Variants in GRM7 observed in about 807,000 individuals in gnomAD.
GRM7 encodes glutamate metabotropic receptor 7, also known as metabotropic glutamate receptor 7.
In GRM7, 35 loss-of-function variants were observed where a neutral mutation model predicts 84.5. The observed-to-expected ratio is 0.41, with a 90% CI of 0.32 to 0.55. GRM7 has a LOEUF of 0.55. GRM7 is among the 20% of genes least tolerant of loss of function. GRM7 has a pLI of 0.19. For synonymous variants in GRM7, 487 were observed against 455.1 expected (o/e 1.07, Z -0.89); for missense variants, 1,003 against 1,194.6 (o/e 0.84, Z 2.36).
At chr3:7,087,563 C>T (rs1157039303) in intron 1 of GRM7, among the ~76,000 whole-genome samples, 1 of 152,052 alleles carries the variant, frequency 6.6e-6, no homozygotes, top group Non-Finnish European at 1.5e-5. Context: ...TTTTAAATAT[C>T]TTTATTCCCT....
intron 4 of GRM7, among the ~76,000 whole-genome samples, chr3:7,398,652 TAC>T (rs1225645228): frequency 6.6e-6 from 1 of 152,108 alleles, no homozygotes; most frequent in Non-Finnish European, 1.5e-5. Context: ...TATGCATATA[TAC>T]ACACACACTT....
At position 6,862,803 on chromosome 3, in the gene GRM7, G is replaced by T. The variant is rs1331436003; in HGVS notation, c.519+896G>T. ...CGGCTTGGAGGACGATTCCCGGAGC[G>T]AGGCATGAAGGCGCCCGTTGGGAGG... On this transcript the variant is annotated intron_variant, in intron 1 of 9. Transcript: ENST00000357716. This position sits in a 1 kb window ranked among gnomAD's most constrained non-coding sequence, Gnocchi z 5.2. 9.8e-6 allele frequency: 3 copies of T among 306,192 alleles called. No homozygotes were observed. Among genetic ancestry groups the T allele is most frequent in the African/African-American group, 2.3e-5 (1 of 43,688 alleles). The allele number at this position is 306,192 out of a possible 1,614,324, so 19.0% of individuals were successfully genotyped here.
At chr3:6,871,766 T>C (rs1695129016) in intron 1 of GRM7, among the ~76,000 whole-genome samples, 3 of 152,114 alleles carry the variant, frequency 2.0e-5, no homozygotes, top group Admixed American at 2.0e-4. Flanking sequence ...TTATAACACA[T>C]TTTATATCAA....
At chr3:7,229,751 A>ATTTTTTT (rs1559514670) in intron 2 of GRM7, among the ~76,000 whole-genome samples, 1 of 28,636 alleles carries the variant, frequency 3.5e-5, no homozygotes, top group African/African-American at 1.3e-4. Context: ...ATATATATAT[A>ATTTTTTT]TATATATATT....
chr3:7,717,202 A>G (rs1412694327), intron 9 of GRM7, among the ~76,000 whole-genome samples: 2 of 151,996 alleles, frequency 1.3e-5, no homozygotes, highest in African/African-American at 4.8e-5. Context: ...TGAATTATAG[A>G]TGGGTCAATT....
chr3:7,120,049 G>A (rs1693166807), intron 1 of GRM7, among the ~76,000 whole-genome samples: 1 of 151,940 alleles, frequency 6.6e-6, no homozygotes, highest in African/African-American at 2.4e-5. Context: ...AGGAGATTGA[G>A]AGATAAAATA....
intron 9 of GRM7, among the ~76,000 whole-genome samples, chr3:7,734,616 T>C (rs9822796): frequency 6.6e-6 from 1 of 152,176 alleles, no homozygotes; most frequent in South Asian, 2.1e-4. Context: ...TGACTGATCA[T>C]GTTTTTACCC....
intron 7 of GRM7, among the ~76,000 whole-genome samples, chr3:7,530,989 A>C (rs1381786210): frequency 6.6e-6 from 1 of 151,904 alleles, no homozygotes; most frequent in Non-Finnish European, 1.5e-5. Context: ...TGTTGCAATT[A>C]CTTTTGGTGT....
intron 1 of GRM7, among the ~76,000 whole-genome samples, chr3:6,909,999 A>C (rs904098555): frequency 6.6e-6 from 1 of 152,128 alleles, no homozygotes; most frequent in Non-Finnish European, 1.5e-5. Context: ...TAAAAATTCT[A>C]TATTAAATCC....
At chr3:6,904,252 G>A (rs1696490679) in intron 1 of GRM7, among the ~76,000 whole-genome samples, 1 of 151,834 alleles carries the variant, frequency 6.6e-6, no homozygotes, top group African/African-American at 2.4e-5. Context: ...TTTTGTCTTT[G>A]ACATTTAGAT....
chr3:7,493,113 A>G (rs1575414104), intron 7 of GRM7, among the ~76,000 whole-genome samples: 1 of 152,038 alleles, frequency 6.6e-6, no homozygotes, highest in Non-Finnish European at 1.5e-5. Flanking sequence ...TGAATGTTCT[A>G]TGAGCACTTG....
intron 7 of GRM7, among the ~76,000 whole-genome samples, chr3:7,544,851 T>A (rs1458998674): frequency 1.3e-5 from 2 of 152,238 alleles, no homozygotes; most frequent in Non-Finnish European, 1.5e-5. Flanking sequence ...ATTTCTGCAA[T>A]GTGATTCCTT....
At chr3:6,880,184 T>C (rs2124960649) in intron 1 of GRM7, among the ~76,000 whole-genome samples, 1 of 152,148 alleles carries the variant, frequency 6.6e-6, no homozygotes, top group Admixed American at 6.6e-5. Flanking sequence ...GCTCACAGAG[T>C]CTGCACAGAC....
chr3:6,985,538 A>G (rs889378844), intron 1 of GRM7, among the ~76,000 whole-genome samples: 1 of 152,190 alleles, frequency 6.6e-6, no homozygotes, highest in African/African-American at 2.4e-5. Flanking sequence ...CATTGTTGCC[A>G]CAGGCTTGCA....
intron 5 of GRM7, among the ~76,000 whole-genome samples, chr3:7,427,806 A>G (rs760253953): frequency 1.6e-4 from 24 of 152,168 alleles, no homozygotes; most frequent in Non-Finnish European, 3.2e-4. Context: ...AGACATAGCA[A>G]TCTGCACAAG....
intron 7 of GRM7, among the ~76,000 whole-genome samples, chr3:7,498,532 C>T (rs1575419828): frequency 6.6e-6 from 1 of 152,012 alleles, no homozygotes; most frequent in Non-Finnish European, 1.5e-5. Context: ...GGCCAGATTC[C>T]CTAGGGTTGA....
Position 7,672,426 on chromosome 3 carries a change from AT to A in GRM7, c.2452-7618del, listed in dbSNP as rs1699954260. On this transcript the variant is annotated intron_variant, in intron 8 of 9. Transcript: ENST00000357716. ...TGTGACAACATTGGCTACATTTTTC[AT>A]TTTTATTACATAGTCACTGGGATTT... Among the ~76,000 whole-genome samples, 4 of 152,196 alleles carry A rather than the reference AT, an allele frequency of 2.6e-5. 1 individual carries two copies. The South Asian group carries it at 8.3e-4, about 32-fold the overall frequency.
intron 9 of GRM7, among the ~76,000 whole-genome samples, chr3:7,721,194 A>G (rs1432043441): frequency 6.6e-6 from 1 of 152,194 alleles, no homozygotes; most frequent in Non-Finnish European, 1.5e-5. Context: ...TCAAGAGAAA[A>G]TTTTGTTGGT....
intron 1 of GRM7, among the ~76,000 whole-genome samples, chr3:6,933,063 T>A (rs1195331192): frequency 6.6e-6 from 1 of 152,102 alleles, no homozygotes; most frequent in East Asian, 1.9e-4. Context: ...CCTTTAATGT[T>A]TTTATAAGTT....
Sources: allele counts gnomAD v4.1 joint callset (sites outside exome capture counted in the v4.1 genomes callset), GRCh38; gene constraint gnomAD v4.1.1; non-coding constraint Gnocchi (gnomAD v3.1); transcripts MANE v1.5; gene names NCBI Gene and HGNC (gene_info 2026-07-23, HGNC 2026-07-21).